The following OR5P3 variants were observed in gnomAD, a reference collection of about 807,000 sequenced individuals.
OR5P3 encodes the protein olfactory receptor family 5 subfamily P member 3.
For missense variants in OR5P3, 415 were observed against 375.6 expected (o/e 1.10, Z -0.87); for synonymous variants, 172 against 141.8 (o/e 1.21, Z -1.51).
intron 1 of OR5P3, among the ~76,000 whole-genome samples, chr11:7,828,738 G>A (rs968451520): frequency 3.3e-5 from 5 of 152,162 alleles, no homozygotes; most frequent in Non-Finnish European, 7.4e-5. Flanking sequence ...AGTCATTTCT[G>A]AGATTACTGC....
chr11:7,827,381 C>T (rs749831238), intron 1 of OR5P3, among the ~76,000 whole-genome samples: 31 of 152,134 alleles, frequency 2.0e-4, no homozygotes, highest in Non-Finnish European at 4.0e-4. Context: ...GTGATAGTCT[C>T]CTTCAGTGCC....
In OR5P3 at chr11:7,825,468, A is replaced by G. The variant is rs867255488; in HGVS notation, c.505T>C (p.Cys169Arg). The G allele has an allele frequency of 1.2e-6, 2 of 1,613,350 alleles. No individual in the cohort carries two copies. Among genetic ancestry groups the G allele is most frequent in the Middle Eastern group, 1.6e-4 (1 of 6,062 alleles). The change falls in exon 2 of 2, where the codon TGT becomes CGT. Residue 169 changes from cysteine (C) to arginine (R), a missense_variant. Coordinates refer to ENST00000641167, the MANE Select transcript of OR5P3 (RefSeq NM_153445.2). Reference sequence around the variant, plus strand: ...AAGTGATTGACTTTATTTGGCCCACAGAAGGACAGTCTTAATAAGCAGCCA... The same window carrying G: ...AAGTGATTGACTTTATTTGGCCCACGGAAGGACAGTCTTAATAAGCAGCCA... Reference protein sequence around the residue: ...FIGCLLRLSFCGPNKVNHFFC... With the variant: ...FIGCLLRLSFRGPNKVNHFFC...
rs796191649 is a variant in OR5P3 at position 7,826,014 on chromosome 11, T to A, written c.-21-21A>T. On this transcript the variant is annotated intron_variant, in intron 1 of 1. Coordinates refer to ENST00000641167, the MANE Select transcript of OR5P3 (RefSeq NM_153445.2). ...GCCAACTGAAAGAAAAACAAATGAA[T>A]ATTATAATGGGATTAAATGCTATAA... is the stretch of plus-strand genomic sequence containing the variant. 1.4e-5 allele frequency: 15 copies of A among 1,055,782 alleles called. 3 individuals are homozygous for A. The African/African-American group carries it at 2.7e-4, about 19-fold the overall frequency. The allele number at this position is 1,055,782 out of a possible 1,614,324, so 65.4% of individuals were successfully genotyped here.
At chr11:7,827,352 C>T (rs939153975) in intron 1 of OR5P3, among the ~76,000 whole-genome samples, 5 of 152,096 alleles carry the variant, frequency 3.3e-5, no homozygotes, top group African/African-American at 7.2e-5. Flanking sequence ...TGAGAGATAA[C>T]GACAATTCTT....
At position 7,825,238 on chromosome 11, in the gene OR5P3, G is replaced by T. The variant is rs1196671635; in HGVS notation, c.735C>A (p.Leu245=). ...TCCCATAGAACAGAGTGACTGCAGT[G>T]AGGTGGGAGGTGCAGGTGGAGAAGG... ...HKAFSTCTSH[L]TAVTLFYGTI... The change falls in exon 2 of 2, where the codon CTC becomes CTA. Residue 245 remains leucine, a synonymous_variant. Transcript: ENST00000641167. 1 of 1,612,972 alleles carries T rather than the reference G, an allele frequency of 6.2e-7. No homozygotes were observed. The highest frequency in any genetic ancestry group is 1.4e-5 in the African/African-American group (1 of 74,022).
Position 7,825,939 on chromosome 11 carries a change from A to G in OR5P3, c.34T>C (p.Phe12Leu). 1 of 1,584,664 alleles carries G rather than the reference A, an allele frequency of 6.3e-7. No homozygotes were observed. Among genetic ancestry groups the G allele is most frequent in the Non-Finnish European group, 8.6e-7 (1 of 1,163,694 alleles). The change falls in exon 2 of 2, where the codon TTT (phenylalanine) becomes CTT (leucine). Residue 12 changes from phenylalanine (F) to leucine (L), a missense_variant. Coordinates refer to ENST00000641167, the MANE Select transcript of OR5P3 (RefSeq NM_153445.2). ...TCCTCAGATAACCCCAAAAGAGTAA[A>G]CTCTACCACAGTGGTGTCATTTCCA... ...GTGNDTTVVE[F>L]TLLGLSEDTT... is the part of the protein sequence containing the mutation.
Position 7,825,132 on chromosome 11 carries a change from C to T in OR5P3, c.841G>A (p.Val281Met). Reference protein sequence around the residue: ...NKVVSVFYTVVIPMLNPLIYS... With the variant: ...NKVVSVFYTVMIPMLNPLIYS... ...ATCAGGGGGTTCAACATGGGAATCA[C>T]CACGGTGTAGAACACAGACACCACC... is the stretch of plus-strand genomic sequence containing the variant. Residue 281 changes from valine to methionine, a missense_variant, in exon 2 of 2, where the codon GTG (valine) becomes ATG (methionine). Val to Met is a conservative substitution (Grantham distance 21). Transcript: ENST00000641167. 6.2e-7 allele frequency: 1 copy of T among 1,613,554 alleles called. No homozygotes were observed.
At position 7,824,882 on chromosome 11, in the gene OR5P3, A is replaced by G. The variant is rs976994660; in HGVS notation, c.*155T>C. 8 of 437,712 alleles carry G rather than the reference A, an allele frequency of 1.8e-5. No homozygotes were observed. The highest frequency in any genetic ancestry group is 2.4e-5 in the Non-Finnish European group (6 of 254,634). The allele number at this position is 437,712 out of a possible 1,614,324, so 27.1% of individuals were successfully genotyped here. On this transcript the variant is annotated 3_prime_UTR_variant, in exon 2 of 2. Coordinates refer to ENST00000641167, the MANE Select transcript of OR5P3 (RefSeq NM_153445.2). ...AAGCAAGATGGACTTCTAATTTCCT[A>G]TTCTATCTGAAAATCTTCCCTCCTG...
rs376402901 is a variant in OR5P3, at chr11:7,826,787, G to A, written c.-21-794C>T. Among the ~76,000 whole-genome samples the A allele has an allele frequency of 3.0e-4, 45 of 152,286 alleles. No homozygotes were observed. In the East Asian group the frequency reaches 6.6e-3, roughly 22 times the overall value. ...CTCCAAAGATACAACTTATACCCAA[G>A]ACTCTGCATAAGCTGGGGCTAGGTT... is the stretch of plus-strand genomic sequence containing the variant. On this transcript the variant is annotated intron_variant, in intron 1 of 1. Transcript: ENST00000641167.
rs565665289 is a variant in OR5P3 at position 7,830,580 on chromosome 11, A to G, written c.-22+244T>C. On this transcript the variant is annotated intron_variant, in intron 1 of 1. Transcript: ENST00000641167. Reference sequence around the variant, plus strand: ...ATTAGATTCAGCTTTGTCACCAGCAATCTATGGAATCTTGGAAATTTTACA... The same window carrying G: ...ATTAGATTCAGCTTTGTCACCAGCAGTCTATGGAATCTTGGAAATTTTACA... Among the ~76,000 whole-genome samples, 56 of 152,318 alleles carry G rather than the reference A, an allele frequency of 3.7e-4. 1 individual carries two copies. The highest frequency in any genetic ancestry group is 1.5e-5 in the Non-Finnish European group (1 of 68,026).
rs760247290 is a variant in OR5P3, at chr11:7,825,540, C to G, written c.433G>C (p.Val145Leu). The G allele has an allele frequency of 1.7e-5, 27 of 1,613,070 alleles. No homozygotes were observed. The Admixed American group carries it at 3.0e-4, about 18-fold the overall frequency. ...CATCCACCCAGGTAGGACATGCCCA[C>G]TAAGATGATGCAGACTCCAGGGGAC... is the stretch of plus-strand genomic sequence containing the variant. Reference protein sequence around the residue: ...CMSPGVCIILVGMSYLGGCVN... With the variant: ...CMSPGVCIILLGMSYLGGCVN... Residue 145 changes from valine (V) to leucine (L), a missense_variant, in exon 2 of 2, where the codon GTG becomes CTG. Physicochemically the swap from Val to Leu is conservative, Grantham distance 32. Coordinates refer to ENST00000641167, the MANE Select transcript of OR5P3 (RefSeq NM_153445.2).
chr11:7,827,042 G>A (rs372691502), intron 1 of OR5P3, among the ~76,000 whole-genome samples: 76 of 152,216 alleles, frequency 5.0e-4, no homozygotes, highest in African/African-American at 1.6e-3. Context: ...AATTATAAAC[G>A]GAGATCTAAA....
Position 7,825,452 on chromosome 11 carries a change from A to G in OR5P3, c.521T>C (p.Val174Ala), listed in dbSNP as rs149751683. 158 of 1,613,188 alleles carry G rather than the reference A, an allele frequency of 9.8e-5. No homozygotes were observed. The highest frequency in any genetic ancestry group is 1.3e-4 in the Non-Finnish European group (151 of 1,180,048). ...TGAATAGTCACAGAAAAAGTGATTG[A>G]CTTTATTTGGCCCACAGAAGGACAG... ...LRLSFCGPNKVNHFFCDYSPL... is the reference protein window; with the variant it reads ...LRLSFCGPNKANHFFCDYSPL... Residue 174 changes from valine (V) to alanine (A), a missense_variant, in exon 2 of 2, where the codon GTC (valine) becomes GCC (alanine). Transcript: ENST00000641167.
Position 7,824,950 on chromosome 11 carries a change from A to G in OR5P3, c.*87T>C. On this transcript the variant is annotated 3_prime_UTR_variant, in exon 2 of 2. Coordinates refer to ENST00000641167, the MANE Select transcript of OR5P3 (RefSeq NM_153445.2). ...ACACTGGGTAATGGTCTATGGACAG[A>G]TAAATTTTGACCACAAACACTCGGT... 9.1e-7 allele frequency: 1 copy of G among 1,099,110 alleles called. No homozygotes were observed. Among genetic ancestry groups the G allele is most frequent in the Non-Finnish European group, 1.3e-6 (1 of 795,402 alleles). 68.1% of individuals were successfully genotyped at this position (1,099,110 alleles called of 1,614,324 possible).
At chr11:7,826,266 A>G (rs1857741229) in intron 1 of OR5P3, among the ~76,000 whole-genome samples, 1 of 151,974 alleles carries the variant, frequency 6.6e-6, no homozygotes, top group Admixed American at 6.6e-5. Flanking sequence ...CTCTGAGCAC[A>G]TTTCAGAGAT....
intron 1 of OR5P3, among the ~76,000 whole-genome samples, chr11:7,826,946 T>C (rs1857749808): frequency 6.6e-6 from 1 of 151,982 alleles, no homozygotes; most frequent in African/African-American, 2.4e-5. Flanking sequence ...TTGAGAAAAA[T>C]CAAGAAAATG....
At chr11:7,829,129 A>G (rs746220510) in intron 1 of OR5P3, among the ~76,000 whole-genome samples, 5 of 152,306 alleles carry the variant, frequency 3.3e-5, no homozygotes, top group Non-Finnish European at 5.9e-5. Flanking sequence ...TGACTTTATG[A>G]AAAAGCAACC....
In OR5P3 at chr11:7,825,309, G is replaced by A. The variant is rs1334686776; in HGVS notation, c.664C>T (p.Leu222Phe). Residue 222 changes from leucine to phenylalanine, a missense_variant, in exon 2 of 2, where the codon CTC becomes TTC. Coordinates refer to ENST00000641167, the MANE Select transcript of OR5P3 (RefSeq NM_153445.2). ...CVIAISYIYI[L>F]ITILKMHSTK... ...GAGTGCATCTTCAGGATGGTGATGA[G>A]GATATAGATGTAGGATATGGCTATG... 3 of 1,613,216 alleles carry A rather than the reference G, an allele frequency of 1.9e-6. No homozygotes were observed. Among genetic ancestry groups the A allele is most frequent in the Non-Finnish European group, 1.7e-6 (2 of 1,180,028 alleles).
At chr11:7,826,744 C>A (rs916106735) in intron 1 of OR5P3, among the ~76,000 whole-genome samples, 1 of 152,172 alleles carries the variant, frequency 6.6e-6, no homozygotes, top group Non-Finnish European at 1.5e-5. Flanking sequence ...AAGACATGAT[C>A]AGGTTACTCC....
Sources: gnomAD v4.1 joint callset for allele counts (sites outside exome capture counted in the v4.1 genomes callset) on GRCh38, gnomAD v4.1.1 for gene constraint, MANE v1.5 for transcripts, NCBI Gene and HGNC (gene_info 2026-07-23, HGNC 2026-07-21) for gene names.